Variants in TAF5L observed in about 807,000 individuals in gnomAD.
TAF5L encodes TAF5-like RNA polymerase II p300/CBP-associated factor-associated factor 65 kDa subunit 5L.
Under a neutral mutation model 51.3 loss-of-function variants are expected in TAF5L, and 7 were observed. That is an observed-to-expected ratio of 0.14 (90% CI 0.08 to 0.26). The LOEUF (loss-of-function observed/expected upper bound fraction) is 0.26, where lower values mean the gene tolerates loss of function less well. Among genes scored for constraint, TAF5L ranks in the 10% least tolerant of loss-of-function variants. TAF5L has a pLI of 1.00. For synonymous variants in TAF5L, 291 were observed against 308.1 expected (o/e 0.94, Z 0.58); for missense variants, 575 against 758.9 (o/e 0.76, Z 2.85).
chr1:229,622,076 G>A (rs1399145670), intron 1 of TAF5L, among the ~76,000 whole-genome samples: 1 of 151,044 alleles, frequency 6.6e-6, no homozygotes, highest in Non-Finnish European at 1.5e-5. Flanking sequence ...TATACAGATA[G>A]ATATATATAG....
chr1:229,618,666 C>T (rs974455584), intron 1 of TAF5L, among the ~76,000 whole-genome samples: 12 of 152,162 alleles, frequency 7.9e-5, no homozygotes, highest in Non-Finnish European at 1.8e-4. Context: ...ATACATGGAA[C>T]CCAGGCATCC....
chr1:229,601,974 CCATT>C, intron 4 of TAF5L: 1 of 1,374,526 alleles, frequency 7.3e-7, no homozygotes, highest in Non-Finnish European at 9.4e-7. Context: ...TAAATACTGA[CCATT>C]CATTAATAAG....
At chr1:229,614,972 A>G (rs373393722) in intron 1 of TAF5L, among the ~76,000 whole-genome samples, 24 of 152,242 alleles carry the variant, frequency 1.6e-4, no homozygotes, top group Admixed American at 4.6e-4. Context: ...TTAACAAAGC[A>G]TGAAGTTAAC....
Position 229,594,341 on chromosome 1 carries a change from G to A in TAF5L, c.1726C>T (p.Leu576Phe). 1 of 1,612,934 alleles carries A rather than the reference G, an allele frequency of 6.2e-7. No individual in the cohort carries two copies. Among genetic ancestry groups the A allele is most frequent in the South Asian group, 1.1e-5 (1 of 91,018 alleles). The change falls in exon 5 of 5, where the codon CTT becomes TTT. Residue 576 changes from leucine to phenylalanine, a missense_variant. By Grantham distance (22) the Leu-to-Phe change is conservative. Around this residue, in one of 3 missense-constraint regions of TAF5L, gnomAD observed 91 missense variants for 96.9 expected, o/e 0.94. Transcript: ENST00000258281. This position sits in a 1 kb window ranked among gnomAD's most constrained non-coding sequence, Gnocchi z 7.9. The stretch of plus-strand genomic sequence containing the variant: ...TGTGTAATTCCAGTCACCAGAAGAA[G>A]GTTACAGGCCATGAACTGCACGCTC...
intron 4 of TAF5L, chr1:229,600,259 G>A (rs1664322454): frequency 1.0e-6 from 1 of 985,164 alleles, no homozygotes; most frequent in Admixed American, 6.2e-5. Context: ...GGGCGGGCAT[G>A]CAGGAAGCCC....
Position 229,621,012 on chromosome 1 carries a change from T to C in TAF5L, c.-4+4873A>G, listed in dbSNP as rs142034952. On this transcript the variant is annotated intron_variant, in intron 1 of 4. Coordinates refer to ENST00000258281, the Ensembl canonical transcript of TAF5L. ...AAAGTGGATGGAATGATCTTCAATT[T>C]TTCATTCCAGAGCAGTACTGTCCAA... Among the ~76,000 whole-genome samples, 573 of 152,238 alleles carry C rather than the reference T, an allele frequency of 3.8e-3. 4 individuals carry two copies. Among genetic ancestry groups the C allele is most frequent in the African/African-American group, 0.013 (554 of 41,532 alleles).
At chr1:229,605,025 C>A (rs964545620) in intron 3 of TAF5L, among the ~76,000 whole-genome samples, 3 of 151,998 alleles carry the variant, frequency 2.0e-5, no homozygotes, top group African/African-American at 4.8e-5. Context: ...GCATCCTCTG[C>A]CTCCTGGGTT....
intron 2 of TAF5L, 91 bp downstream of exon 2, chr1:229,614,250 G>A (rs771606819): frequency 1.2e-6 from 2 of 1,610,018 alleles, no homozygotes; most frequent in Non-Finnish European, 1.7e-6. Flanking sequence ...CTCTGGCACT[G>A]TCTTGAGAAG....
At position 229,602,962 on chromosome 1, in the gene TAF5L, T is replaced by G; in HGVS notation, c.248-43A>C. ...GAAGGCTTTATAATCAGCATAATCT[T>G]ACAGAATAACGTGATCCCTCCTGGG... On this transcript the variant is annotated intron_variant, in intron 3 of 4. Coordinates refer to ENST00000258281, the Ensembl canonical transcript of TAF5L. This position sits in a 1 kb window ranked among gnomAD's most constrained non-coding sequence, Gnocchi z 4.6. 1 of 1,534,814 alleles carries G rather than the reference T, an allele frequency of 6.5e-7. No individual in the cohort carries two copies. Among genetic ancestry groups the G allele is most frequent in the Non-Finnish European group, 8.7e-7 (1 of 1,152,020 alleles).
At chr1:229,607,154 C>T (rs1486186844) in intron 3 of TAF5L, 1 of 985,302 alleles carries the variant, frequency 1.0e-6, no homozygotes, top group East Asian at 1.1e-4. Flanking sequence ...CATCTCCACT[C>T]CAGTCTTAAA....
At position 229,594,348 on chromosome 1, in the gene TAF5L, G is replaced by C. The variant is rs149424685; in HGVS notation, c.1719C>G (p.Ala573=). Residue 573 remains alanine (A), a synonymous_variant, in exon 5 of 5, where the codon GCC becomes GCG. Transcript: ENST00000258281. This position sits in a 1 kb window ranked among gnomAD's most constrained non-coding sequence, Gnocchi z 7.9. ...TTCCAGTCACCAGAAGAAGGTTACA[G>C]GCCATGAACTGCACGCTCAGGACGT... 5.5e-5 allele frequency: 88 copies of C among 1,613,822 alleles called. No individual in the cohort carries two copies. Among genetic ancestry groups the C allele is most frequent in the Non-Finnish European group, 7.1e-5 (84 of 1,179,952 alleles).
chr1:229,614,057 C>T lies in TAF5L; in HGVS notation c.142+284G>A, dbSNP rs12073055. 4.5e-3 allele frequency: 2,723 copies of T among 610,118 alleles called. 62 individuals are homozygous for T. The African/African-American group carries it at 0.045, about 10-fold the overall frequency. The allele number at this position is 610,118 out of a possible 1,614,324, so 37.8% of individuals were successfully genotyped here. The stretch of plus-strand genomic sequence containing the variant: ...TTGTTTACAGAAGGAAAAAGTTGCA[C>T]GTACTTTCAGGTACAGATAAAGTAA... On this transcript the variant is annotated intron_variant, in intron 2 of 4. Coordinates refer to ENST00000258281, the Ensembl canonical transcript of TAF5L.
intron 4 of TAF5L, chr1:229,601,423 G>C (rs896462324): frequency 4.6e-5 from 45 of 985,312 alleles, no homozygotes; most frequent in South Asian, 1.4e-4. Context: ...CCACTCTAAA[G>C]AAAAGTTAAT....
At chr1:229,603,355 TA>T (rs1473283335) in intron 3 of TAF5L, among the ~76,000 whole-genome samples, 22 of 152,224 alleles carry the variant, frequency 1.4e-4, no homozygotes, top group Admixed American at 1.4e-3. Flanking sequence ...GATGATAATA[TA>T]AAAAATAATC....
At chr1:229,601,952 T>C (rs1664392383) in intron 4 of TAF5L, 12 of 1,295,890 alleles carry the variant, frequency 9.3e-6, no homozygotes, top group Non-Finnish European at 1.2e-5. Flanking sequence ...GCTATCCACA[T>C]TTCACATAGT....
At chr1:229,597,451 GA>G (rs1454795813) in intron 4 of TAF5L, among the ~76,000 whole-genome samples, 1 of 152,234 alleles carries the variant, frequency 6.6e-6, no homozygotes, top group African/African-American at 2.4e-5. Flanking sequence ...GGAGAAACCA[GA>G]ATGTTCCTGT....
rs1231714167 is a variant in TAF5L, at chr1:229,625,675, G to C, written c.-4+210C>G. 6.7e-6 allele frequency among the ~76,000 whole-genome samples: 1 copy of C among 148,990 alleles called. No homozygotes were observed. Among genetic ancestry groups the C allele is most frequent in the African/African-American group, 2.4e-5 (1 of 40,854 alleles). The stretch of plus-strand genomic sequence containing the variant: ...CGCCGCCGGCCGCAGCCCGGGACTC[G>C]GGAGGCCGAGGGCGGAGGCGCGGCC... On this transcript the variant is annotated intron_variant, in intron 1 of 4. Transcript: ENST00000258281. This position sits in a 1 kb window ranked among gnomAD's most constrained non-coding sequence, Gnocchi z 4.0.
chr1:229,605,102 T>TTGTA (rs1308036786), intron 3 of TAF5L, among the ~76,000 whole-genome samples: 5 of 132,970 alleles, frequency 3.8e-5, no homozygotes, highest in African/African-American at 1.4e-4. Context: ...CAGCTAATTT[T>TTGTA]TGTATGTATA....
rs41315605 is a variant in TAF5L at position 229,594,030 on chromosome 1, C to T, written c.*267G>A. On this transcript the variant is annotated 3_prime_UTR_variant, in exon 5 of 5. Transcript: ENST00000258281. The surrounding 1 kb of genome is among the most constrained non-coding windows in gnomAD (Gnocchi z 7.9). ...GAAGGTGCTCGCATGCGCGAGGTCA[C>T]GGCAGAGTCTCCATGAGGACTTGTG... 58,943 of 395,344 alleles carry T rather than the reference C, an allele frequency of 0.15. 5,569 individuals are homozygous for T. The highest frequency in any genetic ancestry group is 0.19 in the Non-Finnish European group (40,048 of 212,888). The allele number at this position is 395,344 out of a possible 1,614,324, so 24.5% of individuals were successfully genotyped here.
Sources: gnomAD v4.1 joint callset for allele counts (sites outside exome capture counted in the v4.1 genomes callset) on GRCh38, gnomAD v4.1.1 for gene constraint, gnomAD v4.1.1 regional missense constraint, Gnocchi (gnomAD v3.1) non-coding constraint, MANE v1.5 for transcripts, NCBI Gene and HGNC (gene_info 2026-07-23, HGNC 2026-07-21) for gene names.